The following PRKN variants were observed in gnomAD, a reference collection of about 807,000 sequenced individuals.
PRKN encodes parkin RBR E3 ubiquitin protein ligase.
Under a neutral mutation model 59.5 loss-of-function variants are expected in PRKN, and 56 were observed. The observed-to-expected ratio is 0.94, with a 90% CI of 0.76 to 1.18. PRKN has a LOEUF of 1.18. Ranked by LOEUF, PRKN falls within the 50% of genes most tolerant of loss-of-function variation. The pLI is 0.00. For synonymous variants in PRKN, 250 were observed against 222.1 expected, an observed-to-expected ratio of 1.13 and a Z score of -1.12; for missense variants, 657 against 596.4, an observed-to-expected ratio of 1.10 and a Z score of -1.06.
At chr6:162,206,049 G>T (rs939659222) in intron 3 of PRKN, among the ~76,000 whole-genome samples, 1 of 152,096 alleles carries the variant, frequency 6.6e-6, no homozygotes, top group African/African-American at 2.4e-5. Flanking sequence ...AAGGAAGAAG[G>T]TTTTACTCGT....
intron 1 of PRKN, among the ~76,000 whole-genome samples, chr6:162,714,041 C>G (rs532662830): frequency 6.6e-6 from 1 of 152,120 alleles, no homozygotes; most frequent in African/African-American, 2.4e-5. Flanking sequence ...AGGAATGTGA[C>G]GTTTGATCAT....
intron 4 of PRKN, among the ~76,000 whole-genome samples, chr6:162,135,898 A>G (rs976558385): frequency 2.6e-5 from 4 of 152,166 alleles, no homozygotes; most frequent in South Asian, 4.1e-4. Flanking sequence ...GAACTAAGTA[A>G]TATATTTACA....
intron 1 of PRKN, among the ~76,000 whole-genome samples, chr6:162,475,769 A>G (rs1791978987): frequency 6.6e-6 from 1 of 152,242 alleles, no homozygotes; most frequent in South Asian, 2.1e-4. Context: ...ATGTATTTTG[A>G]GACGGAGTCT....
chr6:162,208,207 C>A (rs1434107534), intron 3 of PRKN, among the ~76,000 whole-genome samples: 4 of 152,190 alleles, frequency 2.6e-5, no homozygotes, highest in Non-Finnish European at 5.9e-5. Flanking sequence ...TAGGTTATTA[C>A]ACCCAACTGA....
intron 3 of PRKN, among the ~76,000 whole-genome samples, chr6:162,248,207 C>T (rs1015330461): frequency 2.6e-5 from 4 of 152,114 alleles, no homozygotes; most frequent in African/African-American, 9.7e-5. Context: ...ATGTTATGCA[C>T]AGAAATCTGT....
chr6:162,074,832 A>G (rs760435861), intron 4 of PRKN, among the ~76,000 whole-genome samples: 5 of 152,150 alleles, frequency 3.3e-5, no homozygotes, highest in Non-Finnish European at 5.9e-5. Flanking sequence ...TCCAGTCACC[A>G]AACTATTCCT....
At chr6:161,707,769 T>G (rs996532498) in intron 7 of PRKN, among the ~76,000 whole-genome samples, 1 of 152,092 alleles carries the variant, frequency 6.6e-6, no homozygotes, top group Non-Finnish European at 1.5e-5. Context: ...CTGTGCAATT[T>G]GACAGCAGAC....
At chr6:162,174,458 T>C (rs893923641) in intron 4 of PRKN, among the ~76,000 whole-genome samples, 1 of 152,220 alleles carries the variant, frequency 6.6e-6, no homozygotes, top group African/African-American at 2.4e-5. Context: ...GAATTTGTAT[T>C]GAAACGTTTG....
chr6:162,630,473 C>A (rs1022963666), intron 1 of PRKN, among the ~76,000 whole-genome samples: 2 of 152,050 alleles, frequency 1.3e-5, no homozygotes, highest in African/African-American at 2.4e-5. Flanking sequence ...CAATCGTTGA[C>A]AACGTAATAT....
chr6:161,967,457 T>G (rs746490043), intron 6 of PRKN, among the ~76,000 whole-genome samples: 1 of 152,164 alleles, frequency 6.6e-6, no homozygotes, highest in Non-Finnish European at 1.5e-5. Context: ...AAATCCTGGA[T>G]TTTACACGGA....
chr6:162,641,101 A>G (rs1461261904), intron 1 of PRKN, among the ~76,000 whole-genome samples: 1 of 152,158 alleles, frequency 6.6e-6, no homozygotes, highest in African/African-American at 2.4e-5. Context: ...CACTCTATAA[A>G]ATATTTAAAA....
Position 161,396,762 on chromosome 6 carries a change from TA to T in PRKN, c.1084-9886del, listed in dbSNP as rs1663350994. Among the ~76,000 whole-genome samples the T allele has an allele frequency of 6.6e-6, 1 of 152,200 alleles. No individual in the cohort carries two copies. The highest frequency in any genetic ancestry group is 2.1e-4 in the South Asian group (1 of 4,834). ...TGTCCCATGTGCCTGTGGGTATCCT[TA>T]TGCTCTCTAGCACAGCAGGGGAGGC... On this transcript the variant is annotated intron_variant, in intron 9 of 11. Coordinates refer to ENST00000366898, the MANE Select transcript of PRKN (RefSeq NM_004562.3). This position sits in a 1 kb window ranked among gnomAD's most constrained non-coding sequence, Gnocchi z 5.4.
chr6:161,947,501 A>G (rs1779825575), intron 6 of PRKN, among the ~76,000 whole-genome samples: 1 of 152,122 alleles, frequency 6.6e-6, no homozygotes. Flanking sequence ...TCCTACTTTC[A>G]TGTATCTGCC....
rs993661622 is a variant in PRKN at position 162,209,837 on chromosome 6, C to T, written c.413-8585G>A. Among the ~76,000 whole-genome samples the T allele has an allele frequency of 2.6e-5, 4 of 152,018 alleles. No individual in the cohort carries two copies. The South Asian group carries it at 8.3e-4, about 32-fold the overall frequency. Reference sequence around the variant, plus strand: ...GTGGATGAAGCTGGAAACCATCATTCTCAGCAAACTATCACAAGGACAGAA... The same window carrying T: ...GTGGATGAAGCTGGAAACCATCATTTTCAGCAAACTATCACAAGGACAGAA... On this transcript the variant is annotated intron_variant, in intron 3 of 11. Transcript: ENST00000366898.
At chr6:162,346,454 A>G (rs77379404) in intron 2 of PRKN, among the ~76,000 whole-genome samples, 1 of 134,740 alleles carries the variant, frequency 7.4e-6, no homozygotes, top group Non-Finnish European at 1.6e-5. Flanking sequence ...CTGTCTCTAC[A>G]AAAAAAAAAA....
chr6:162,343,261 TTATTTGTTAA>T (rs1345415874), intron 2 of PRKN, among the ~76,000 whole-genome samples: 2 of 152,178 alleles, frequency 1.3e-5, no homozygotes, highest in Non-Finnish European at 2.9e-5. Flanking sequence ...GATCAAGGGA[TTATTTGTTAA>T]TATTTTTAAA....
At position 161,550,470 on chromosome 6, in the gene PRKN, G is replaced by C. The variant is rs773442074; in HGVS notation, c.934-1467C>G. Among the ~76,000 whole-genome samples the C allele has an allele frequency of 1.3e-5, 2 of 151,332 alleles. No individual in the cohort carries two copies. The highest frequency in any genetic ancestry group is 1.4e-4 in the Admixed American group (2 of 14,624). On this transcript the variant is annotated intron_variant, in intron 8 of 11. Transcript: ENST00000366898. This position sits in a 1 kb window ranked among gnomAD's most constrained non-coding sequence, Gnocchi z 4.0. ...AGAAGCTTATGTCAACATCTATGAC[G>C]TAAGCTAGGAGCTTATGTCAACATC...
chr6:161,886,214 G>A (rs1012368156), intron 6 of PRKN, among the ~76,000 whole-genome samples: 4 of 152,106 alleles, frequency 2.6e-5, no homozygotes, highest in Non-Finnish European at 5.9e-5. Context: ...TAAATGATGT[G>A]ATACACAAAT....
intron 1 of PRKN, among the ~76,000 whole-genome samples, chr6:162,476,153 T>G (rs9365443): frequency 0.54 from 80,737 of 148,680 alleles, 21,990 homozygotes; most frequent in African/African-American, 0.65. Context: ...CGCCTCTCGG[T>G]TTCAAACGAT....
Sources: allele counts gnomAD v4.1 joint callset (sites outside exome capture counted in the v4.1 genomes callset), GRCh38; gene constraint gnomAD v4.1.1; non-coding constraint Gnocchi (gnomAD v3.1); transcripts MANE v1.5; gene names NCBI Gene and HGNC (gene_info 2026-07-23, HGNC 2026-07-21).